Variants in MAML2 observed in about 807,000 individuals in gnomAD.
MAML2 encodes mastermind-like protein 2.
MAML2 carries 22 observed loss-of-function variants against 96.1 expected under a neutral mutation model. That is an observed-to-expected ratio of 0.23 (90% CI 0.16 to 0.33). The LOEUF is 0.33. Among genes scored for constraint, MAML2 ranks in the 10% least tolerant of loss-of-function variants. The probability of loss-of-function intolerance (pLI) is 1.00; values close to 1 mark genes in which losing one functional copy is unlikely to be tolerated. For synonymous variants in MAML2, 561 were observed against 521.3 expected (o/e 1.08, Z -1.04); for missense variants, 1,367 against 1,392.4 (o/e 0.98, Z 0.29).
intron 1 of MAML2, among the ~76,000 whole-genome samples, chr11:96,211,373 A>T (rs181023412): frequency 1.3e-5 from 2 of 152,050 alleles, no homozygotes; most frequent in East Asian, 3.9e-4. Flanking sequence ...TCGTAAGTAC[A>T]TTACTTCAAC....
At chr11:96,219,147 C>A (rs2135944982) in intron 1 of MAML2, among the ~76,000 whole-genome samples, 1 of 152,292 alleles carries the variant, frequency 6.6e-6, no homozygotes, top group Non-Finnish European at 1.5e-5. Flanking sequence ...TGTTAAAAAG[C>A]TTTAAAACAA....
At chr11:96,243,576 T>C (rs515573) in intron 1 of MAML2, among the ~76,000 whole-genome samples, 141,279 of 152,148 alleles carry the variant, frequency 0.93, 65,760 homozygotes, top group African/African-American at 0.98. Flanking sequence ...GTTTTTCCCA[T>C]ACCTCCAAGA....
At chr11:96,065,336 T>TA (rs1021263749) in intron 2 of MAML2, among the ~76,000 whole-genome samples, 2 of 152,080 alleles carry the variant, frequency 1.3e-5, no homozygotes, top group African/African-American at 4.8e-5. Context: ...TATGTGATTT[T>TA]AAAAAAATAT....
chr11:96,233,331 A>C (rs1029599321), intron 1 of MAML2, among the ~76,000 whole-genome samples: 3 of 134,202 alleles, frequency 2.2e-5, no homozygotes, highest in Non-Finnish European at 4.7e-5. Context: ...TAAAAGTATT[A>C]TCTTTAAAAA....
intron 1 of MAML2, among the ~76,000 whole-genome samples, chr11:96,302,867 G>C (rs1275663090): frequency 6.6e-6 from 1 of 152,068 alleles, no homozygotes; most frequent in Non-Finnish European, 1.5e-5. Flanking sequence ...TTTTACATAG[G>C]TAAAACTCAT....
intron 1 of MAML2, among the ~76,000 whole-genome samples, chr11:96,317,672 C>A (rs1049100956): frequency 6.6e-6 from 1 of 152,186 alleles, no homozygotes; most frequent in African/African-American, 2.4e-5. Flanking sequence ...GGCTGCCCAG[C>A]TTTGGAAAGG....
intron 2 of MAML2, among the ~76,000 whole-genome samples, chr11:96,028,469 C>T (rs1234106807): frequency 3.3e-5 from 5 of 152,198 alleles, no homozygotes; most frequent in African/African-American, 1.2e-4. Context: ...TCATGACACT[C>T]ATCAGGCTTT....
chr11:96,257,715 T>C (rs1418291231), intron 1 of MAML2, among the ~76,000 whole-genome samples: 1 of 152,038 alleles, frequency 6.6e-6, no homozygotes, highest in Non-Finnish European at 1.5e-5. Flanking sequence ...AAAAAACCTC[T>C]ATAATATTTC....
chr11:96,213,331 C>T (rs553173453), intron 1 of MAML2, among the ~76,000 whole-genome samples: 1 of 152,312 alleles, frequency 6.6e-6, no homozygotes, highest in South Asian at 2.1e-4. Context: ...AATTTACCTA[C>T]AACTATACGC....
At chr11:96,140,955 G>A (rs1860720892) in intron 1 of MAML2, among the ~76,000 whole-genome samples, 1 of 152,184 alleles carries the variant, frequency 6.6e-6, no homozygotes, top group Admixed American at 6.5e-5. Flanking sequence ...TTGGCCAGAT[G>A]TAATAAGTAA....
intron 1 of MAML2, among the ~76,000 whole-genome samples, chr11:96,261,948 A>T (rs1862755987): frequency 6.6e-6 from 1 of 152,234 alleles, no homozygotes; most frequent in Non-Finnish European, 1.5e-5. Flanking sequence ...CAGAATTCCT[A>T]AAATCAGTGG....
chr11:96,077,597 C>G (rs912943969), intron 2 of MAML2, among the ~76,000 whole-genome samples: 2 of 152,174 alleles, frequency 1.3e-5, no homozygotes, highest in African/African-American at 4.8e-5. Context: ...TGGGTCGAAA[C>G]TTTATTTTAG....
intron 1 of MAML2, among the ~76,000 whole-genome samples, chr11:96,251,889 G>A (rs552425960): frequency 1.4e-4 from 21 of 151,886 alleles, no homozygotes; most frequent in African/African-American, 2.7e-4. Context: ...CGGCCACCAC[G>A]CACAGCTAAT....
chr11:96,203,958 T>G (rs1348312297), intron 1 of MAML2, among the ~76,000 whole-genome samples: 2 of 152,168 alleles, frequency 1.3e-5, no homozygotes, highest in African/African-American at 4.8e-5. Context: ...GGATAATTCA[T>G]GAAGGGGTTA....
intron 2 of MAML2, among the ~76,000 whole-genome samples, chr11:96,072,267 C>T (rs1036507876): frequency 1.3e-5 from 2 of 152,118 alleles, no homozygotes; most frequent in African/African-American, 2.4e-5. Context: ...CAGGGTATGT[C>T]CTGACTGCAT....
rs188177379 is a variant in MAML2 at position 96,262,712 on chromosome 11, G to A, written c.513+78671C>T. ...TCTGGATCTCCTGACCTCATGATCC[G>A]CCCACCTCAGCCTTCCAAAGTGCTG... On this transcript the variant is annotated intron_variant, in intron 1 of 4. Coordinates refer to ENST00000524717, the MANE Select transcript of MAML2 (RefSeq NM_032427.4). 2.4e-3 allele frequency among the ~76,000 whole-genome samples: 369 copies of A among 152,190 alleles called. 2 individuals are homozygous for A. The highest frequency in any genetic ancestry group is 4.2e-3 in the Non-Finnish European group (285 of 67,990).
At chr11:96,165,836 C>T (rs957391451) in intron 1 of MAML2, among the ~76,000 whole-genome samples, 5 of 152,228 alleles carry the variant, frequency 3.3e-5, no homozygotes, top group Admixed American at 2.0e-4. Flanking sequence ...ATCACATTGT[C>T]GCTTTTATTT....
At chr11:95,981,322 A>G (rs561932404) in intron 4 of MAML2, among the ~76,000 whole-genome samples, 1 of 152,202 alleles carries the variant, frequency 6.6e-6, no homozygotes, top group Non-Finnish European at 1.5e-5. Context: ...ATAGTGACTA[A>G]TCAACATATT....
rs765499286 is a variant in MAML2, at chr11:96,024,338, C to T, written c.2140-32615G>A. 6.6e-5 allele frequency among the ~76,000 whole-genome samples: 10 copies of T among 152,334 alleles called. No homozygotes were observed. The South Asian group carries it at 2.1e-3, about 32-fold the overall frequency. On this transcript the variant is annotated intron_variant, in intron 2 of 4. Coordinates refer to ENST00000524717, the MANE Select transcript of MAML2 (RefSeq NM_032427.4). ...TTTGACCTCTCTATGCCTCAATTTCCCTCTATACAAACTAGAGAACTTAGT... is the reference window on the plus strand; with the variant it reads ...TTTGACCTCTCTATGCCTCAATTTCTCTCTATACAAACTAGAGAACTTAGT...
Sources: gnomAD v4.1 joint callset for allele counts (sites outside exome capture counted in the v4.1 genomes callset) on GRCh38, gnomAD v4.1.1 for gene constraint, MANE v1.5 for transcripts, NCBI Gene and HGNC (gene_info 2026-07-23, HGNC 2026-07-21) for gene names.